Variants in AGMO observed in about 807,000 individuals in gnomAD.
The protein encoded by AGMO is alkylglycerol monooxygenase.
In AGMO, 75 loss-of-function variants were observed where a neutral mutation model predicts 60.2. The ratio of observed to expected loss-of-function variants is 1.25; its 90% CI spans 1.03 to 1.51. The LOEUF (loss-of-function observed/expected upper bound fraction) is 1.51, where lower values mean the gene tolerates loss of function less well. AGMO is among the 40% of genes most tolerant of loss of function. The pLI is 0.00. For missense variants in AGMO, 763 were observed against 525.5 expected (o/e 1.45, Z -4.42); for synonymous variants, 261 against 177.1 (o/e 1.47, Z -3.76).
intron 2 of AGMO, among the ~76,000 whole-genome samples, chr7:15,550,465 T>TA (rs1336052036): frequency 6.6e-6 from 1 of 151,984 alleles, no homozygotes; most frequent in Non-Finnish European, 1.5e-5. Context: ...ATAGACACTA[T>TA]AAAAAATGAT....
At chr7:15,296,070 GAAAAT>G (rs1784397120) in intron 12 of AGMO, among the ~76,000 whole-genome samples, 1 of 152,014 alleles carries the variant, frequency 6.6e-6, no homozygotes, top group African/African-American at 2.4e-5. Context: ...AAATATTTCA[GAAAAT>G]AAAATATGTA....
At chr7:15,187,028 G>A in the AGMO span, among the ~76,000 whole-genome samples, 1 of 152,278 alleles carries the variant, frequency 6.6e-6, no homozygotes, top group African/African-American at 2.4e-5. Context: ...TTCCCACGCT[G>A]CTAGCCATGT....
At chr7:15,283,009 G>C (rs545259930) in intron 12 of AGMO, among the ~76,000 whole-genome samples, 3 of 152,030 alleles carry the variant, frequency 2.0e-5, no homozygotes, top group Non-Finnish European at 1.5e-5. Context: ...AAATGAAAGA[G>C]AAACAGTTAT....
At chr7:15,190,760 T>C in the AGMO span, among the ~76,000 whole-genome samples, 1 of 152,110 alleles carries the variant, frequency 6.6e-6, no homozygotes, top group African/African-American at 2.4e-5. Flanking sequence ...CTTTAAAATA[T>C]AGAAGTAATT....
At chr7:15,250,434 A>C (rs1782895836) in intron 12 of AGMO, among the ~76,000 whole-genome samples, 3 of 152,120 alleles carry the variant, frequency 2.0e-5, no homozygotes, top group Admixed American at 2.0e-4. Context: ...AGGTAGAACC[A>C]GAGTCTGATA....
intron 12 of AGMO, among the ~76,000 whole-genome samples, chr7:15,256,356 T>C (rs1783097515): frequency 6.6e-6 from 1 of 152,210 alleles, no homozygotes; most frequent in African/African-American, 2.4e-5. Context: ...ATTTTTTATT[T>C]TTTTGAGACG....
chr7:15,537,828 A>G (rs889636273), intron 3 of AGMO, among the ~76,000 whole-genome samples: 1 of 152,098 alleles, frequency 6.6e-6, no homozygotes, highest in African/African-American at 2.4e-5. Context: ...TACAGTTGCT[A>G]TTGATAAGAA....
chr7:15,213,520 G>C (rs561585348), intron 12 of AGMO, among the ~76,000 whole-genome samples: 2 of 151,804 alleles, frequency 1.3e-5, no homozygotes, highest in African/African-American at 4.8e-5. Context: ...AGAAATATTG[G>C]TTCTTGTCCC....
chr7:15,341,269 C>A (rs916655613), intron 12 of AGMO, among the ~76,000 whole-genome samples: 1 of 152,168 alleles, frequency 6.6e-6, no homozygotes, highest in African/African-American at 2.4e-5. Context: ...TGCTCTGTCA[C>A]CTCCTGAATG....
At chr7:15,497,068 A>G (rs948485249) in intron 3 of AGMO, among the ~76,000 whole-genome samples, 2 of 152,156 alleles carry the variant, frequency 1.3e-5, no homozygotes, top group African/African-American at 4.8e-5. Flanking sequence ...TAGAAGAAGA[A>G]GATATGAGCT....
At chr7:15,325,544 C>T (rs1781311708) in intron 12 of AGMO, among the ~76,000 whole-genome samples, 1 of 152,066 alleles carries the variant, frequency 6.6e-6, no homozygotes, top group East Asian at 1.9e-4. Context: ...CACACCTATA[C>T]ATGCACACAT....
chr7:15,502,301 TC>T (rs1167379336), intron 3 of AGMO, among the ~76,000 whole-genome samples: 1 of 151,200 alleles, frequency 6.6e-6, no homozygotes, highest in Non-Finnish European at 1.5e-5. Context: ...ATTCTTTCGC[TC>T]CCCCCAAGTC....
At chr7:15,339,396 G>C (rs371829591) in intron 12 of AGMO, among the ~76,000 whole-genome samples, 68 of 152,108 alleles carry the variant, frequency 4.5e-4, no homozygotes, top group African/African-American at 1.4e-3. Context: ...GTTATTTGAG[G>C]ATAAGTACAC....
At chr7:15,340,755 G>C (rs1040115209) in intron 12 of AGMO, among the ~76,000 whole-genome samples, 1 of 152,212 alleles carries the variant, frequency 6.6e-6, no homozygotes, top group Non-Finnish European at 1.5e-5. Context: ...GCAGAGGTGT[G>C]CTGCAGGGGT....
chr7:15,332,898 C>T (rs559973179), intron 12 of AGMO, among the ~76,000 whole-genome samples: 2 of 152,142 alleles, frequency 1.3e-5, no homozygotes, highest in African/African-American at 4.8e-5. Context: ...CAGTATATTG[C>T]ATTATGGTAT....
intron 12 of AGMO, among the ~76,000 whole-genome samples, chr7:15,242,873 A>G (rs1782632622): frequency 6.6e-6 from 1 of 152,162 alleles, no homozygotes; most frequent in African/African-American, 2.4e-5. Context: ...GAAATAAGAT[A>G]AATGACATTA....
intron 12 of AGMO, among the ~76,000 whole-genome samples, chr7:15,218,623 T>C (rs1781819830): frequency 6.6e-6 from 1 of 152,128 alleles, no homozygotes; most frequent in Admixed American, 6.6e-5. Flanking sequence ...ATTTTTTCTG[T>C]ATTTTTGAAA....
intron 3 of AGMO, among the ~76,000 whole-genome samples, chr7:15,487,715 T>C (rs1342391387): frequency 6.6e-6 from 1 of 152,054 alleles, no homozygotes; most frequent in African/African-American, 2.4e-5. Flanking sequence ...AATCAAACCA[T>C]TTTGCCAAAC....
At chr7:15,518,945 T>C (rs957857562) in intron 3 of AGMO, among the ~76,000 whole-genome samples, 2 of 151,442 alleles carry the variant, frequency 1.3e-5, no homozygotes, top group African/African-American at 2.4e-5. Flanking sequence ...AATTGCTAAC[T>C]AGAATAACCA....
Sources: gnomAD v4.1 joint callset for allele counts (sites outside exome capture counted in the v4.1 genomes callset) on GRCh38, gnomAD v4.1.1 for gene constraint, MANE v1.5 for transcripts, NCBI Gene and HGNC (gene_info 2026-07-23, HGNC 2026-07-21) for gene names.